TENM1: variants seen among roughly 807,000 people sequenced by gnomAD.
TENM1 encodes teneurin-1.
A neutral mutation model predicts 174.8 loss-of-function variants in TENM1; 35 were observed. That is an observed-to-expected ratio of 0.20 (90% CI 0.15 to 0.27). The LOEUF (loss-of-function observed/expected upper bound fraction) is 0.27, where lower values mean the gene tolerates loss of function less well. TENM1 is among the 10% of genes least tolerant of loss of function. The pLI is 1.00. For missense variants in TENM1, 1,633 were observed against 2,130.1 expected (o/e 0.77, Z 4.59); for synonymous variants, 781 against 798.7 (o/e 0.98, Z 0.37).
the TENM1 span, among the ~76,000 whole-genome samples, chrX:125,066,191 G>A: frequency 9.0e-6 from 1 of 111,729 alleles, no homozygotes; most frequent in Admixed American, 9.5e-5. Flanking sequence ...GGAGCTGAGA[G>A]GAAGCTGGAA....
At position 124,709,198 on chromosome X, in the gene TENM1, T is replaced by C. The variant is rs1379798491; in HGVS notation, c.777-3947A>G. On this transcript the variant is annotated intron_variant, in intron 4 of 31. Transcript: ENST00000422452. ...TATTATTTAATCTTCATAACAACTT[T>C]ATTACAGTCGATATCTCTATTTTAC... 2.7e-5 allele frequency among the ~76,000 whole-genome samples: 3 copies of C among 111,844 alleles called. No individual in the cohort carries two copies. In the Admixed American group the frequency reaches 2.9e-4, roughly 11 times the overall value.
intron 3 of TENM1, among the ~76,000 whole-genome samples, chrX:124,766,469 C>T (rs2054541674): frequency 9.0e-6 from 1 of 111,344 alleles, no homozygotes; most frequent in Non-Finnish European, 1.9e-5. Flanking sequence ...TATATTTTAA[C>T]TGTGGGAAAC....
chrX:124,743,407 T>G (rs1233415085), intron 3 of TENM1, among the ~76,000 whole-genome samples: 1 of 112,003 alleles, frequency 8.9e-6, no homozygotes, highest in Non-Finnish European at 1.9e-5. Context: ...TAAATACTTA[T>G]GTATAAATGG....
At chrX:124,965,301 G>C (rs768777117), upstream of TENM1, among the ~76,000 whole-genome samples, 88 of 111,375 alleles carry the variant, frequency 7.9e-4, no homozygotes, top group African/African-American at 2.5e-3. Flanking sequence ...GGATGGTCTC[G>C]ATCTCCTCAC....
chrX:124,402,059 G>A (rs2060406695), intron 27 of TENM1, among the ~76,000 whole-genome samples: 1 of 112,166 alleles, frequency 8.9e-6, no homozygotes. Flanking sequence ...AGAGTGCCAT[G>A]CTAGGTGAGG....
chrX:125,129,166 A>C, the TENM1 span, among the ~76,000 whole-genome samples: 1 of 111,912 alleles, frequency 8.9e-6, no homozygotes, highest in Non-Finnish European at 1.9e-5. Flanking sequence ...ATTGGCTGGA[A>C]ACTTGATCTC....
intron 11 of TENM1, among the ~76,000 whole-genome samples, chrX:124,619,877 G>A (rs1476154071): frequency 8.9e-6 from 1 of 111,800 alleles, no homozygotes; most frequent in African/African-American, 3.2e-5. Context: ...GTTACACCAT[G>A]TACTTACTCT....
At chrX:124,792,100 T>C (rs2055193703) in intron 3 of TENM1, among the ~76,000 whole-genome samples, 1 of 111,721 alleles carries the variant, frequency 9.0e-6, no homozygotes, top group African/African-American at 3.2e-5. Flanking sequence ...AAGTTTGCCA[T>C]TCTGAATCAT....
At chrX:124,757,754 T>TA (rs963943515) in intron 3 of TENM1, among the ~76,000 whole-genome samples, 1 of 112,495 alleles carries the variant, frequency 8.9e-6, no homozygotes, top group African/African-American at 3.2e-5. Flanking sequence ...GCTGTCTTGT[T>TA]AAAAAATGTG....
intron 4 of TENM1, among the ~76,000 whole-genome samples, chrX:124,723,606 T>C (rs2053373983): frequency 2.5e-5 from 2 of 79,210 alleles, no homozygotes; most frequent in South Asian, 1.3e-3. Flanking sequence ...TTTTTTTGTT[T>C]TTTTTTTTTT....
the TENM1 span, among the ~76,000 whole-genome samples, chrX:124,998,749 A>G: frequency 9.0e-6 from 1 of 111,694 alleles, no homozygotes; most frequent in Non-Finnish European, 1.9e-5. Context: ...ATACTTCAAT[A>G]TATGCCTCAT....
the TENM1 span, among the ~76,000 whole-genome samples, chrX:125,175,705 A>G: frequency 9.0e-6 from 1 of 110,854 alleles, no homozygotes; most frequent in Non-Finnish European, 1.9e-5. Flanking sequence ...GGAGGGCCAC[A>G]TAGCAGAAAA....
At chrX:124,457,513 A>G (rs966400311) in intron 22 of TENM1, among the ~76,000 whole-genome samples, 1 of 112,383 alleles carries the variant, frequency 8.9e-6, no homozygotes, top group Non-Finnish European at 1.9e-5. Context: ...AAATTATTTG[A>G]CTTCTTCCCT....
chrX:124,631,507 A>G (rs1428140571), intron 11 of TENM1, among the ~76,000 whole-genome samples: 1 of 111,507 alleles, frequency 9.0e-6, no homozygotes, highest in African/African-American at 3.3e-5. Context: ...AAGGGGGAAA[A>G]TCAAGATTCA....
At chrX:124,863,861 G>A (rs1160627963) in intron 3 of TENM1, among the ~76,000 whole-genome samples, 1 of 112,574 alleles carries the variant, frequency 8.9e-6, no homozygotes, top group Non-Finnish European at 1.9e-5. Context: ...GGCCACAGAG[G>A]TGCCTGTGTC....
chrX:125,193,426 G>T, the TENM1 span, among the ~76,000 whole-genome samples: 3 of 111,848 alleles, frequency 2.7e-5, no homozygotes, highest in Non-Finnish European at 5.6e-5. Context: ...TTGCTATGTT[G>T]CCCAGGCTGG....
intron 3 of TENM1, among the ~76,000 whole-genome samples, chrX:124,858,947 A>G (rs2056862287): frequency 9.0e-6 from 1 of 111,577 alleles, no homozygotes; most frequent in Non-Finnish European, 1.9e-5. Context: ...AGTCCCAATC[A>G]TATATTTATG....
the TENM1 span, among the ~76,000 whole-genome samples, chrX:125,115,725 AAGGAAATAAGAG>A: frequency 0.01 from 1,142 of 111,421 alleles, 18 homozygotes; most frequent in African/African-American, 0.035. Context: ...GCCACTTGTC[AAGGAAATAAGAG>A]AGGACACAAA....
intron 11 of TENM1, among the ~76,000 whole-genome samples, chrX:124,612,667 T>C (rs769553941): frequency 2.7e-4 from 30 of 111,471 alleles, no homozygotes; most frequent in Non-Finnish European, 5.3e-4. Flanking sequence ...GATATTTTTG[T>C]TCCAGGCCTC....
Sources: gnomAD v4.1 joint callset for allele counts (sites outside exome capture counted in the v4.1 genomes callset) on GRCh38, gnomAD v4.1.1 for gene constraint, MANE v1.5 for transcripts, NCBI Gene and HGNC (gene_info 2026-07-23, HGNC 2026-07-21) for gene names.